The following GPC5 variants were observed in gnomAD, a reference collection of about 807,000 sequenced individuals.
The protein encoded by GPC5 is glypican-5.
Under a neutral mutation model 53.9 loss-of-function variants are expected in GPC5, and 47 were observed. The ratio of observed to expected loss-of-function variants is 0.87; its 90% CI spans 0.69 to 1.11. The LOEUF is 1.11. GPC5 is among the 50% of genes most tolerant of loss of function. The probability of loss-of-function intolerance (pLI) is 0.00; values close to 1 mark genes in which losing one functional copy is unlikely to be tolerated. For missense variants in GPC5, 748 were observed against 713.1 expected, an observed-to-expected ratio of 1.05 and a Z score of -0.56; for synonymous variants, 286 against 263.3, an observed-to-expected ratio of 1.09 and a Z score of -0.84.
At chr13:92,792,963 T>C (rs1263239089) in intron 7 of GPC5, among the ~76,000 whole-genome samples, 1 of 152,076 alleles carries the variant, frequency 6.6e-6, no homozygotes, top group African/African-American at 2.4e-5. Flanking sequence ...GCTGTCAATA[T>C]TAGACAGATG....
chr13:92,372,987 G>T (rs2043663673), intron 7 of GPC5, among the ~76,000 whole-genome samples: 1 of 152,108 alleles, frequency 6.6e-6, no homozygotes, highest in Admixed American at 6.5e-5. Flanking sequence ...ATCACTTTGG[G>T]ATTATTTGGA....
chr13:91,822,858 A>G (rs1212437185), intron 5 of GPC5, among the ~76,000 whole-genome samples: 1 of 152,144 alleles, frequency 6.6e-6, no homozygotes, highest in African/African-American at 2.4e-5. Flanking sequence ...CTCTAAGTCT[A>G]GGTAGCTCTC....
At chr13:92,530,518 G>A (rs572603384) in intron 7 of GPC5, among the ~76,000 whole-genome samples, 70 of 152,028 alleles carry the variant, frequency 4.6e-4, no homozygotes, top group African/African-American at 1.6e-3. Flanking sequence ...AGTAGAATAC[G>A]TACTTCCAGC....
chr13:92,356,463 A>G (rs1363803518), intron 7 of GPC5, among the ~76,000 whole-genome samples: 1 of 152,224 alleles, frequency 6.6e-6, no homozygotes. Flanking sequence ...AGTTATTTAC[A>G]TATTCCAGAT....
At chr13:91,798,338 C>T (rs1374995405) in intron 5 of GPC5, among the ~76,000 whole-genome samples, 2 of 151,952 alleles carry the variant, frequency 1.3e-5, no homozygotes, top group African/African-American at 4.8e-5. Context: ...GATGCTGTCC[C>T]TTCCCCTGCC....
chr13:91,696,587 C>A (rs1352639261), intron 3 of GPC5, among the ~76,000 whole-genome samples: 1 of 152,100 alleles, frequency 6.6e-6, no homozygotes, highest in Non-Finnish European at 1.5e-5. Context: ...TTCTCACATT[C>A]CCAAAGAAAT....
chr13:91,894,133 C>A (rs769644919), intron 5 of GPC5, among the ~76,000 whole-genome samples: 5 of 151,942 alleles, frequency 3.3e-5, no homozygotes, highest in Admixed American at 2.6e-4. Flanking sequence ...GTTCCATCAC[C>A]CTAAGCAATT....
intron 5 of GPC5, among the ~76,000 whole-genome samples, chr13:91,850,690 C>A (rs538235070): frequency 7.2e-5 from 11 of 151,966 alleles, no homozygotes; most frequent in Admixed American, 7.2e-4. Context: ...AAAAGTCTAA[C>A]CTCACACAAA....
At chr13:92,591,968 G>T (rs1029506522) in intron 7 of GPC5, among the ~76,000 whole-genome samples, 1 of 152,196 alleles carries the variant, frequency 6.6e-6, no homozygotes, top group African/African-American at 2.4e-5. Context: ...AACTCCAGCT[G>T]AGGGTCACTT....
intron 6 of GPC5, among the ~76,000 whole-genome samples, chr13:91,934,106 T>C (rs67682141): frequency 0.048 from 7,273 of 151,882 alleles, 459 homozygotes; most frequent in African/African-American, 0.15. Flanking sequence ...TTTTTAAAAG[T>C]GACAAAAGCC....
chr13:92,283,122 A>G (rs961845005), intron 7 of GPC5, among the ~76,000 whole-genome samples: 2 of 152,228 alleles, frequency 1.3e-5, no homozygotes, highest in South Asian at 2.1e-4. Flanking sequence ...CTTTAAACCA[A>G]TAAAGGTCAA....
At chr13:91,910,416 T>C (rs2039598727) in intron 6 of GPC5, among the ~76,000 whole-genome samples, 1 of 152,196 alleles carries the variant, frequency 6.6e-6, no homozygotes, top group Non-Finnish European at 1.5e-5. Flanking sequence ...CAGATCCTAG[T>C]CTATAGATTT....
intron 7 of GPC5, among the ~76,000 whole-genome samples, chr13:92,544,079 G>T (rs1882021123): frequency 6.6e-6 from 1 of 151,874 alleles, no homozygotes; most frequent in Non-Finnish European, 1.5e-5. Context: ...AAGTTCCTTG[G>T]TCATATTGAC....
At chr13:92,131,579 G>A (rs1014606952) in intron 6 of GPC5, among the ~76,000 whole-genome samples, 5 of 151,924 alleles carry the variant, frequency 3.3e-5, no homozygotes, top group African/African-American at 1.2e-4. Flanking sequence ...ATATGCAGGA[G>A]CATGTATACT....
At chr13:91,600,348 A>AGTGT (rs1188484947) in intron 2 of GPC5, among the ~76,000 whole-genome samples, 10 of 95,182 alleles carry the variant, frequency 1.1e-4, no homozygotes, top group African/African-American at 3.1e-4. Context: ...AGAGAGAGAG[A>AGTGT]GTGTGTGTGT....
At chr13:92,538,710 G>A (rs1881809080) in intron 7 of GPC5, among the ~76,000 whole-genome samples, 2 of 134,526 alleles carry the variant, frequency 1.5e-5, no homozygotes, top group Admixed American at 1.6e-4. Context: ...AGAACATACA[G>A]TGTTTGGTTT....
At chr13:91,802,737 G>A (rs2038156436) in intron 5 of GPC5, among the ~76,000 whole-genome samples, 1 of 152,132 alleles carries the variant, frequency 6.6e-6, no homozygotes, top group African/African-American at 2.4e-5. Flanking sequence ...TCACTAGCAT[G>A]TGGTAGTGAG....
Position 92,421,698 on chromosome 13 carries a change from C to CAAAAAAAAAAAAAAAAA in GPC5, c.1561+276715_1561+276731dup, listed in dbSNP as rs34055682. 1.3e-3 allele frequency among the ~76,000 whole-genome samples: 93 copies of CAAAAAAAAAAAAAAAAA among 69,478 alleles called. 2 individuals are homozygous for CAAAAAAAAAAAAAAAAA. Among genetic ancestry groups the CAAAAAAAAAAAAAAAAA allele is most frequent in the African/African-American group, 5.7e-3 (91 of 15,986 alleles). 45.6% of individuals were successfully genotyped at this position (69,478 alleles called of 152,430 possible). ...TGTGCCACAGAGCAAGACTCCGTCTCAAAAAAAAAAAAAAAAAAAAAAGTT... is the reference window on the plus strand; with the variant it reads ...TGTGCCACAGAGCAAGACTCCGTCTCAAAAAAAAAAAAAAAAAAAAAAAAAAAAAAAAAAAAAAAGTT... On this transcript the variant is annotated intron_variant, in intron 7 of 7. Coordinates refer to ENST00000377067, the MANE Select transcript of GPC5 (RefSeq NM_004466.6).
At chr13:91,402,953 C>T (rs532169915) in intron 1 of GPC5, among the ~76,000 whole-genome samples, 2 of 152,246 alleles carry the variant, frequency 1.3e-5, no homozygotes, top group African/African-American at 4.8e-5. Flanking sequence ...GCTGCAATGC[C>T]CATAACCACT....
Sources: gnomAD v4.1 joint callset for allele counts (sites outside exome capture counted in the v4.1 genomes callset) on GRCh38, gnomAD v4.1.1 for gene constraint, MANE v1.5 for transcripts, NCBI Gene and HGNC (gene_info 2026-07-23, HGNC 2026-07-21) for gene names.